The following MICU3 variants were observed in gnomAD, a reference collection of about 807,000 sequenced individuals.
MICU3 encodes the protein calcium uptake protein 3, mitochondrial.
A neutral mutation model predicts 66.5 loss-of-function variants in MICU3; 62 were observed. The observed-to-expected ratio is 0.93, with a 90% CI of 0.76 to 1.15. MICU3 has a LOEUF of 1.15. Ranked by LOEUF, MICU3 falls within the 50% of genes most tolerant of loss-of-function variation. The probability of loss-of-function intolerance (pLI) is 0.00; values close to 1 mark genes in which losing one functional copy is unlikely to be tolerated. For missense variants in MICU3, 779 were observed against 664.4 expected (o/e 1.17, Z -1.90); for synonymous variants, 308 against 240.7 (o/e 1.28, Z -2.59).
intron 8 of MICU3, among the ~76,000 whole-genome samples, chr8:17,098,117 A>G (rs1293769861): frequency 6.6e-6 from 1 of 151,792 alleles, no homozygotes; most frequent in Non-Finnish European, 1.5e-5. Context: ...AAACAAATTT[A>G]CTTCACACAA....
intron 1 of MICU3, among the ~76,000 whole-genome samples, chr8:17,031,262 T>TTTTTTATTATTATTATTA (rs111800861): frequency 9.3e-5 from 13 of 139,182 alleles, no homozygotes; most frequent in African/African-American, 3.0e-4. Context: ...TGCCACTTCA[T>TTTTTTATTATTATTATTA]TTATTATTAT....
At chr8:17,055,449 A>T (rs1318020966) in intron 1 of MICU3, among the ~76,000 whole-genome samples, 2 of 152,158 alleles carry the variant, frequency 1.3e-5, no homozygotes, top group East Asian at 3.9e-4. Flanking sequence ...GAGACTGCAA[A>T]CTGTTGAGCA....
chr8:17,045,674 T>C (rs1814955682), intron 1 of MICU3, among the ~76,000 whole-genome samples: 1 of 152,196 alleles, frequency 6.6e-6, no homozygotes, highest in Admixed American at 6.5e-5. Context: ...TCTATATTAG[T>C]CTGTTCTCAT....
chr8:17,091,606 A>G (rs1340594735), intron 8 of MICU3, among the ~76,000 whole-genome samples: 4 of 152,002 alleles, frequency 2.6e-5, no homozygotes, highest in East Asian at 1.9e-4. Context: ...ATTTTTCCTC[A>G]TTATACAAAA....
intron 11 of MICU3, among the ~76,000 whole-genome samples, chr8:17,113,853 C>T (rs550899728): frequency 5.9e-5 from 9 of 151,826 alleles, no homozygotes; most frequent in South Asian, 4.2e-4. Context: ...AGTGCTGACA[C>T]GACAGTGTTT....
chr8:17,046,171 C>G (rs1162974246), intron 1 of MICU3, among the ~76,000 whole-genome samples: 2 of 152,220 alleles, frequency 1.3e-5, no homozygotes, highest in Non-Finnish European at 2.9e-5. Flanking sequence ...TTCTGGAGGC[C>G]TGGACTTGTA....
intron 1 of MICU3, among the ~76,000 whole-genome samples, chr8:17,057,532 G>A (rs972031043): frequency 5.3e-5 from 8 of 152,058 alleles, no homozygotes; most frequent in East Asian, 1.9e-4. Flanking sequence ...ATTGATAATA[G>A]CTATAATTTA....
chr8:17,106,919 CTT>C (rs1171972037), intron 11 of MICU3, among the ~76,000 whole-genome samples: 3 of 152,088 alleles, frequency 2.0e-5, no homozygotes, highest in African/African-American at 7.2e-5. Flanking sequence ...CTTTCCCCTC[CTT>C]CCGCCTACTT....
intron 1 of MICU3, among the ~76,000 whole-genome samples, chr8:17,028,538 C>T (rs558258383): frequency 1.3e-3 from 200 of 152,222 alleles, no homozygotes; most frequent in Non-Finnish European, 2.4e-3. Flanking sequence ...AGAATGTGAA[C>T]GGCGTAGATG....
intron 2 of MICU3, among the ~76,000 whole-genome samples, chr8:17,065,815 T>C (rs1024546755): frequency 3.9e-5 from 6 of 152,144 alleles, no homozygotes; most frequent in African/African-American, 1.2e-4. Flanking sequence ...AAGGACTCTC[T>C]TACAATATTT....
In MICU3 at chr8:17,060,917, C is replaced by A. The variant is rs569690440; in HGVS notation, c.382-3167C>A. On this transcript the variant is annotated intron_variant, in intron 1 of 14. Transcript: ENST00000318063. ...CACCTAATACCATTGTCAAAAGCCC[C>A]ACTTAATATTATTGCTAAGCCAACA... Among the ~76,000 whole-genome samples, 45 of 152,084 alleles carry A rather than the reference C, an allele frequency of 3.0e-4. No individual in the cohort carries two copies. The South Asian group carries it at 9.3e-3, about 32-fold the overall frequency.
At chr8:17,078,855 C>G (rs1002461171) in intron 4 of MICU3, among the ~76,000 whole-genome samples, 1 of 151,652 alleles carries the variant, frequency 6.6e-6, no homozygotes, top group African/African-American at 2.4e-5. Flanking sequence ...GCCAAAGTGT[C>G]TTAAAAAAAA....
intron 9 of MICU3, among the ~76,000 whole-genome samples, chr8:17,099,868 A>G (rs941004487): frequency 4.6e-5 from 7 of 151,686 alleles, no homozygotes; most frequent in Admixed American, 6.6e-5. Context: ...CCAGCCTCCA[A>G]CTATCTTCAT....
At chr8:17,091,211 T>C (rs1055506954) in intron 8 of MICU3, among the ~76,000 whole-genome samples, 2 of 152,138 alleles carry the variant, frequency 1.3e-5, no homozygotes, top group East Asian at 3.9e-4. Context: ...CTTCCAGTTG[T>C]ACCCTTCTTC....
intron 14 of MICU3, among the ~76,000 whole-genome samples, chr8:17,119,576 G>GAT (rs1803032631): frequency 6.8e-6 from 1 of 147,944 alleles, no homozygotes; most frequent in South Asian, 2.1e-4. Flanking sequence ...TAGATAGATA[G>GAT]AGGTGTTTCC....
intron 14 of MICU3, among the ~76,000 whole-genome samples, chr8:17,120,011 G>A (rs977581116): frequency 2.6e-5 from 4 of 152,028 alleles, no homozygotes; most frequent in East Asian, 1.9e-4. Flanking sequence ...TAGTGTTCCC[G>A]ACCGACTTGT....
At chr8:17,128,918 T>G in the MICU3 span, among the ~76,000 whole-genome samples, 2 of 152,190 alleles carry the variant, frequency 1.3e-5, no homozygotes, top group African/African-American at 4.8e-5. Flanking sequence ...GACTGAATAC[T>G]AAGCTGTACG....
rs980718782 is a variant in MICU3, at chr8:17,059,101, C to G, written c.382-4983C>G. Among the ~76,000 whole-genome samples, 64 of 152,284 alleles carry G rather than the reference C, an allele frequency of 4.2e-4. 1 individual carries two copies. Among genetic ancestry groups the G allele is most frequent in the African/African-American group, 1.4e-3 (58 of 41,564 alleles). On this transcript the variant is annotated intron_variant, in intron 1 of 14. Coordinates refer to ENST00000318063, the MANE Select transcript of MICU3 (RefSeq NM_181723.3). Reference sequence around the variant, plus strand: ...TTGTCATTTGTTGACATTAAATATTCATCTTGGAAACTATATAAGCTTAAA... The same window carrying G: ...TTGTCATTTGTTGACATTAAATATTGATCTTGGAAACTATATAAGCTTAAA...
At chr8:17,047,631 C>G (rs1815314208) in intron 1 of MICU3, among the ~76,000 whole-genome samples, 1 of 152,208 alleles carries the variant, frequency 6.6e-6, no homozygotes, top group Admixed American at 6.5e-5. Context: ...ATAGACGAAT[C>G]CATCGCAACA....
Sources: allele counts gnomAD v4.1 joint callset (sites outside exome capture counted in the v4.1 genomes callset), GRCh38; gene constraint gnomAD v4.1.1; transcripts MANE v1.5; gene names NCBI Gene and HGNC (gene_info 2026-07-23, HGNC 2026-07-21).